GRID2: variants seen among roughly 807,000 people sequenced by gnomAD.
The protein encoded by GRID2 is glutamate ionotropic receptor delta type subunit 2.
A neutral mutation model predicts 114.8 loss-of-function variants in GRID2; 33 were observed. That is an observed-to-expected ratio of 0.29 (90% CI 0.22 to 0.38). The LOEUF (loss-of-function observed/expected upper bound fraction) is 0.38. Ranked by LOEUF, GRID2 falls within the 10% of genes least tolerant of loss-of-function variation. GRID2 has a pLI of 1.00. For missense variants in GRID2, 1,184 were observed against 1,257.7 expected (o/e 0.94, Z 0.89); for synonymous variants, 505 against 449.9 (o/e 1.12, Z -1.55).
At chr4:92,369,280 C>T (rs953044536) in intron 1 of GRID2, among the ~76,000 whole-genome samples, 1 of 152,030 alleles carries the variant, frequency 6.6e-6, no homozygotes, top group African/African-American at 2.4e-5. Context: ...CACAGAGATT[C>T]CCCTAATGTT....
intron 2 of GRID2, among the ~76,000 whole-genome samples, chr4:93,011,884 A>T (rs959604919): frequency 7.2e-5 from 11 of 152,016 alleles, no homozygotes; most frequent in Admixed American, 5.9e-4. Context: ...AAGCTTCCTA[A>T]ATCGGATCTG....
At chr4:93,615,655 G>A (rs2149674005) in intron 13 of GRID2, among the ~76,000 whole-genome samples, 2 of 145,852 alleles carry the variant, frequency 1.4e-5, no homozygotes, top group African/African-American at 2.6e-5. Context: ...AAAAAAAAAA[G>A]GAAATTGAGG....
At chr4:92,673,281 A>G (rs1348073841) in intron 2 of GRID2, among the ~76,000 whole-genome samples, 1 of 152,170 alleles carries the variant, frequency 6.6e-6, no homozygotes, top group Non-Finnish European at 1.5e-5. Context: ...TCTATGCTAT[A>G]AGACTACTGT....
Position 92,439,418 on chromosome 4 carries a change from A to T in GRID2, c.88+134674A>T, listed in dbSNP as rs189081844. Among the ~76,000 whole-genome samples the T allele has an allele frequency of 2.1e-4, 32 of 152,210 alleles. No individual in the cohort carries two copies. The East Asian group carries it at 6.0e-3, about 29-fold the overall frequency. On this transcript the variant is annotated intron_variant, in intron 1 of 15. Coordinates refer to ENST00000282020, the MANE Select transcript of GRID2 (RefSeq NM_001510.4). The stretch of plus-strand genomic sequence containing the variant: ...AGAGGCCTGACATTCCCGCCTTCTT[A>T]TATTAATAAGAAAAATAAAACAAAA...
intron 2 of GRID2, among the ~76,000 whole-genome samples, chr4:92,907,907 C>T (rs960433262): frequency 2.0e-4 from 31 of 152,138 alleles, no homozygotes; most frequent in African/African-American, 7.5e-4. Context: ...CTTACAATCC[C>T]AGCTACTCAG....
intron 2 of GRID2, among the ~76,000 whole-genome samples, chr4:92,824,366 C>A (rs552811736): frequency 2.6e-5 from 4 of 152,018 alleles, no homozygotes; most frequent in African/African-American, 9.6e-5. Context: ...TTCCCCATTT[C>A]TTTTGTTTGT....
chr4:92,775,045 T>C (rs904457448), intron 2 of GRID2, among the ~76,000 whole-genome samples: 1 of 152,298 alleles, frequency 6.6e-6, no homozygotes, highest in South Asian at 2.1e-4. Context: ...ATTTTGCCTG[T>C]AAGACTATAA....
intron 14 of GRID2, among the ~76,000 whole-genome samples, chr4:93,750,589 T>C (rs1009149698): frequency 6.6e-6 from 1 of 152,038 alleles, no homozygotes; most frequent in African/African-American, 2.4e-5. Context: ...ACCCGGTCTC[T>C]ACTAAAAATA....
At chr4:92,917,877 G>A (rs4561897) in intron 2 of GRID2, among the ~76,000 whole-genome samples, 148,540 of 152,294 alleles carry the variant, frequency 0.98, 72,465 homozygotes, top group East Asian at 1. Flanking sequence ...TTTTTTTCCA[G>A]TTCTGTGAAG....
chr4:93,299,662 G>T (rs1187584064), intron 8 of GRID2, among the ~76,000 whole-genome samples: 1 of 151,772 alleles, frequency 6.6e-6, no homozygotes, highest in Non-Finnish European at 1.5e-5. Flanking sequence ...TAACAAACCT[G>T]TACGTTGTCC....
chr4:93,108,475 G>C (rs1348459959), intron 3 of GRID2, among the ~76,000 whole-genome samples: 1 of 152,108 alleles, frequency 6.6e-6, no homozygotes, highest in Non-Finnish European at 1.5e-5. Context: ...TTATTCTCTA[G>C]TCATGCTCTG....
chr4:93,239,681 G>T (rs909947572), intron 8 of GRID2, among the ~76,000 whole-genome samples: 5 of 151,378 alleles, frequency 3.3e-5, no homozygotes, highest in African/African-American at 1.2e-4. Flanking sequence ...TATTTTAAAG[G>T]AAAGAACCAC....
chr4:93,461,205 C>T (rs1723709073), intron 11 of GRID2, among the ~76,000 whole-genome samples: 1 of 152,078 alleles, frequency 6.6e-6, no homozygotes, highest in Non-Finnish European at 1.5e-5. Flanking sequence ...AATGCTGAAT[C>T]GCATATGATT....
intron 4 of GRID2, among the ~76,000 whole-genome samples, chr4:93,147,282 G>GA (rs1382688822): frequency 1.3e-5 from 2 of 151,916 alleles, no homozygotes; most frequent in Non-Finnish European, 1.5e-5. Flanking sequence ...TATTTGCAGG[G>GA]AAAAAAATCA....
At chr4:92,858,392 G>A (rs1329588593) in intron 2 of GRID2, among the ~76,000 whole-genome samples, 1 of 152,166 alleles carries the variant, frequency 6.6e-6, no homozygotes. Flanking sequence ...AAATTTGGAA[G>A]TTGATTTCAA....
rs1490127889 is a variant in GRID2, at chr4:92,688,045, T to C, written c.244+97759T>C. 1.5e-3 allele frequency among the ~76,000 whole-genome samples: 179 copies of C among 118,432 alleles called. 10 individuals are homozygous for C. Among genetic ancestry groups the C allele is most frequent in the Middle Eastern group, 4.0e-3 (1 of 252 alleles). The allele number at this position is 118,432 out of a possible 152,430, so 77.7% of individuals were successfully genotyped here. A position where few individuals can be genotyped will look rare whatever the true frequency, so the allele number is the denominator to read the frequency against. On this transcript the variant is annotated intron_variant, in intron 2 of 15. Coordinates refer to ENST00000282020, the MANE Select transcript of GRID2 (RefSeq NM_001510.4). ...GGTTGACCCTTCTTCTTCTTTTTTTTTTTTTTTTTTTTTTTTTTTTTGGGA... is the reference window on the plus strand; with the variant it reads ...GGTTGACCCTTCTTCTTCTTTTTTTCTTTTTTTTTTTTTTTTTTTTTGGGA...
At chr4:93,438,199 T>C (rs1406038154) in intron 10 of GRID2, among the ~76,000 whole-genome samples, 2 of 152,008 alleles carry the variant, frequency 1.3e-5, no homozygotes, top group Non-Finnish European at 2.9e-5. Flanking sequence ...TTCAAAGATC[T>C]CTAAGTGCAC....
intron 1 of GRID2, among the ~76,000 whole-genome samples, chr4:93,791,596 A>C (rs6818880): frequency 6.6e-6 from 1 of 152,014 alleles, no homozygotes; most frequent in Non-Finnish European, 1.5e-5. Context: ...TTTGTTTTTC[A>C]AATTAAAATA....
chr4:93,658,124 C>T (rs889441737), intron 14 of GRID2, among the ~76,000 whole-genome samples: 1 of 152,042 alleles, frequency 6.6e-6, no homozygotes, highest in African/African-American at 2.4e-5. Context: ...TATCTTAGGG[C>T]AACATTTATA....
Sources: gnomAD v4.1 joint callset for allele counts (sites outside exome capture counted in the v4.1 genomes callset) on GRCh38, gnomAD v4.1.1 for gene constraint, MANE v1.5 for transcripts, NCBI Gene and HGNC (gene_info 2026-07-23, HGNC 2026-07-21) for gene names.